ANGPTL2: variants seen among roughly 807,000 people sequenced by gnomAD.
The protein encoded by ANGPTL2 is angiopoietin like 2, also known as angiopoietin-related protein 2.
A neutral mutation model predicts 52.8 loss-of-function variants in ANGPTL2; 25 were observed. The ratio of observed to expected loss-of-function variants is 0.47; its 90% CI spans 0.35 to 0.66. ANGPTL2 has a LOEUF of 0.66. ANGPTL2 is among the 30% of genes least tolerant of loss of function. ANGPTL2 has a pLI of 0.01. For synonymous variants in ANGPTL2, 276 were observed against 277.4 expected, an observed-to-expected ratio of 1.00 and a Z score of 0.05; for missense variants, 546 against 656.9, an observed-to-expected ratio of 0.83 and a Z score of 1.84.
chr9:127,092,165 G>A, intron 3 of ANGPTL2, among the ~76,000 whole-genome samples: 1 of 152,212 alleles, frequency 6.6e-6, no homozygotes, highest in East Asian at 1.9e-4. Flanking sequence ...GTGAACCCCA[G>A]ATTCCTTGTT....
At position 127,104,015 on chromosome 9, in the gene ANGPTL2, AGTCC is replaced by A. The variant is rs146485620; in HGVS notation, c.817+3896_817+3899del. 3.3e-3 allele frequency among the ~76,000 whole-genome samples: 501 copies of A among 152,330 alleles called. 1 individual carries two copies. The highest frequency in any genetic ancestry group is 4.8e-3 in the Non-Finnish European group (325 of 68,026). On this transcript the variant is annotated intron_variant, in intron 2 of 4. Coordinates refer to ENST00000373425, the MANE Select transcript of ANGPTL2 (RefSeq NM_012098.3). The stretch of plus-strand genomic sequence containing the variant: ...GAACCTCAATATCCTGCAAGGTACA[AGTCC>A]CAGGGTCGATCTCTGCTCTGCCACC...
rs530261577 is a variant in ANGPTL2, at chr9:127,090,777, A to G, written c.1282+893T>C. ...GAGCCTGGAGGCAGCATCGGCCGTC[A>G]GGTGGTGCCAGCCTCAGGGAGGAGC... is the stretch of plus-strand genomic sequence containing the variant. On this transcript the variant is annotated intron_variant, in intron 4 of 4. Transcript: ENST00000373425. 2.3e-3 allele frequency among the ~76,000 whole-genome samples: 344 copies of G among 152,336 alleles called. 3 individuals carry two copies. The highest frequency in any genetic ancestry group is 3.8e-4 in the Non-Finnish European group (26 of 68,024).
Position 127,122,494 on chromosome 9 carries a change from GGGCCAGGGCT to G in ANGPTL2, c.-239_-230del, listed in dbSNP as rs1445411164. The G allele has an allele frequency of 6.6e-6, 1 of 152,608 alleles. No homozygotes were observed. The highest frequency in any genetic ancestry group is 1.9e-4 in the East Asian group (1 of 5,184). 9.5% of individuals were successfully genotyped at this position (152,608 alleles called of 1,614,324 possible). A position where few individuals can be genotyped will look rare whatever the true frequency, so the allele number is the denominator to read the frequency against. On this transcript the variant is annotated 5_prime_UTR_variant, in exon 1 of 5. Transcript: ENST00000373425. The surrounding 1 kb of genome is among the most constrained non-coding windows in gnomAD (Gnocchi z 6.4). ...CCACAGAGGGCTCCGGCAGAGGCTG[GGGCCAGGGCT>G]GGCCAGGGGTCCTGCGGGGCTGCTC...
Position 127,091,557 on chromosome 9 carries a change from A to G in ANGPTL2, c.1282+113T>C, listed in dbSNP as rs1467800903. On this transcript the variant is annotated intron_variant, in intron 4 of 4. Coordinates refer to ENST00000373425, the MANE Select transcript of ANGPTL2 (RefSeq NM_012098.3). The surrounding 1 kb of genome is among the most constrained non-coding windows in gnomAD (Gnocchi z 4.3). The stretch of plus-strand genomic sequence containing the variant: ...GTAACAGGGTCAGGCAGCTTGGCCC[A>G]GCTGCTTCTCACCCTGGGATCTTCC... 1.4e-6 allele frequency: 2 copies of G among 1,435,390 alleles called. No individual in the cohort carries two copies. The highest frequency in any genetic ancestry group is 1.4e-5 in the African/African-American group (1 of 70,520). The allele number at this position is 1,435,390 out of a possible 1,614,324, so 88.9% of individuals were successfully genotyped here. A position where few individuals can be genotyped will look rare whatever the true frequency, so the allele number is the denominator to read the frequency against.
intron 1 of ANGPTL2, among the ~76,000 whole-genome samples, chr9:127,113,227 A>G (rs2055032631): frequency 6.6e-6 from 1 of 152,188 alleles, no homozygotes; most frequent in Admixed American, 6.5e-5. Flanking sequence ...AAACAGGCTC[A>G]GTGATTTGCC....
At chr9:127,115,405 T>C (rs2055296429) in intron 1 of ANGPTL2, among the ~76,000 whole-genome samples, 1 of 152,162 alleles carries the variant, frequency 6.6e-6, no homozygotes, top group Admixed American at 6.5e-5. Flanking sequence ...GGTTGCGGTC[T>C]TATGTAGTTA....
chr9:127,122,053 T>C lies in ANGPTL2; in HGVS notation c.-50+262A>G, dbSNP rs920304502. 2.0e-5 allele frequency among the ~76,000 whole-genome samples: 3 copies of C among 152,296 alleles called. No individual in the cohort carries two copies. Among genetic ancestry groups the C allele is most frequent in the Middle Eastern group, 3.4e-3 (1 of 294 alleles). On this transcript the variant is annotated intron_variant, in intron 1 of 4. Transcript: ENST00000373425. The surrounding 1 kb of genome is among the most constrained non-coding windows in gnomAD (Gnocchi z 6.4). ...GCCGGCCGGCACCCCAAAGGCTCTT[T>C]GTCCAAAAGAGGAGAGTGAGGCTTA...
chr9:127,117,043 C>T (rs1225175591), intron 1 of ANGPTL2, among the ~76,000 whole-genome samples: 1 of 152,260 alleles, frequency 6.6e-6, no homozygotes, highest in Non-Finnish European at 1.5e-5. Context: ...CACATCTGAT[C>T]ATGTCAGCGT....
At chr9:127,102,474 G>A (rs191079602) in intron 2 of ANGPTL2, among the ~76,000 whole-genome samples, 119 of 152,248 alleles carry the variant, frequency 7.8e-4, no homozygotes, top group African/African-American at 2.8e-3. Flanking sequence ...ATTTCTTTCA[G>A]TTTGCCAAGT....
intron 2 of ANGPTL2, among the ~76,000 whole-genome samples, chr9:127,101,100 CAACCCCA>C (rs1413652496): frequency 6.6e-6 from 1 of 152,220 alleles, no homozygotes; most frequent in African/African-American, 2.4e-5. Context: ...AAGCTTTCCC[CAACCCCA>C]GGAAAGCTAC....
intron 2 of ANGPTL2, among the ~76,000 whole-genome samples, chr9:127,096,412 G>T (rs1027615018): frequency 6.6e-6 from 1 of 152,172 alleles, no homozygotes; most frequent in Non-Finnish European, 1.5e-5. Context: ...GCAAAATAAC[G>T]CCCACTGAGA....
At chr9:127,095,268 C>G (rs776923216) in intron 2 of ANGPTL2, among the ~76,000 whole-genome samples, 19 of 152,148 alleles carry the variant, frequency 1.2e-4, no homozygotes, top group African/African-American at 4.3e-4. Context: ...TGTGGTGGCA[C>G]GCACCTGTGA....
chr9:127,090,064 T>C (rs2052281254), intron 4 of ANGPTL2, among the ~76,000 whole-genome samples: 1 of 152,142 alleles, frequency 6.6e-6, no homozygotes, highest in Non-Finnish European at 1.5e-5. Context: ...TGGAGCCAGG[T>C]TTTCCCAGAG....
chr9:127,119,504 A>T (rs1412735829), intron 1 of ANGPTL2, among the ~76,000 whole-genome samples: 2 of 152,346 alleles, frequency 1.3e-5, no homozygotes, highest in East Asian at 3.9e-4. Context: ...ACATAATCAC[A>T]TAACTGTGTG....
At chr9:127,096,878 C>A (rs540459202) in intron 2 of ANGPTL2, among the ~76,000 whole-genome samples, 227 of 152,308 alleles carry the variant, frequency 1.5e-3, no homozygotes, top group Non-Finnish European at 2.7e-3. Context: ...CGTATTTCCA[C>A]AGGTGACCCT....
chr9:127,087,490 C>G lies in ANGPTL2; in HGVS notation c.*1449G>C, dbSNP rs1289605288. The G allele has an allele frequency of 2.0e-5, 3 of 152,658 alleles. No homozygotes were observed. The highest frequency in any genetic ancestry group is 4.4e-5 in the Non-Finnish European group (3 of 68,064). 9.5% of individuals were successfully genotyped at this position (152,658 alleles called of 1,614,324 possible). On this transcript the variant is annotated 3_prime_UTR_variant, in exon 5 of 5. Transcript: ENST00000373425. ...GAAATGCTGAGGTAATAGGCACACA[C>G]CCAGACATGGACAGTACCAAACATC...
intron 1 of ANGPTL2, among the ~76,000 whole-genome samples, chr9:127,109,059 C>T (rs1278466320): frequency 2.6e-5 from 4 of 152,166 alleles, no homozygotes; most frequent in African/African-American, 9.7e-5. Flanking sequence ...AGCTCCAATG[C>T]CCGCAGCCCC....
rs1276928549 is a variant in ANGPTL2, at chr9:127,108,079, G to A, written c.653C>T (p.Pro218Leu). Reference protein sequence around the residue: ...PSARPVPQPPPAAPPRVYQPP... With the variant: ...PSARPVPQPPLAAPPRVYQPP... ...TTGGTAGACCCGGGGCGGGGCAGCGGGGGGTGGCTGGGGGACGGGCCTGGC... is the reference window on the plus strand; with the variant it reads ...TTGGTAGACCCGGGGCGGGGCAGCGAGGGGTGGCTGGGGGACGGGCCTGGC... Residue 218 changes from proline (P) to leucine (L), a missense_variant, in exon 2 of 5, where the codon CCC becomes CTC. Pro to Leu is a moderately conservative substitution (Grantham distance 98). Transcript: ENST00000373425. 5 of 1,611,396 alleles carry A rather than the reference G, an allele frequency of 3.1e-6. No individual in the cohort carries two copies. Among genetic ancestry groups the A allele is most frequent in the East Asian group, 4.5e-5 (2 of 44,772 alleles).
At chr9:127,097,426 G>A (rs897972104) in intron 2 of ANGPTL2, among the ~76,000 whole-genome samples, 1 of 152,214 alleles carries the variant, frequency 6.6e-6, no homozygotes, top group African/African-American at 2.4e-5. Context: ...GGCCCCATTA[G>A]CTTCCATCAA....
Sources: allele counts gnomAD v4.1 joint callset (sites outside exome capture counted in the v4.1 genomes callset), GRCh38; gene constraint gnomAD v4.1.1; non-coding constraint Gnocchi (gnomAD v3.1); transcripts MANE v1.5; gene names NCBI Gene and HGNC (gene_info 2026-07-23, HGNC 2026-07-21).